The following NR4A3 variants were observed in gnomAD, a reference collection of about 807,000 sequenced individuals.
The protein encoded by NR4A3 is nuclear receptor subfamily 4 group A member 3.
A neutral mutation model predicts 55.6 loss-of-function variants in NR4A3; 13 were observed. That is an observed-to-expected ratio of 0.23 (90% confidence interval 0.15 to 0.37). The LOEUF is 0.37. Ranked by LOEUF, NR4A3 falls within the 10% of genes least tolerant of loss-of-function variation. NR4A3 has a pLI of 1.00. For synonymous variants in NR4A3, 342 were observed against 357.9 expected (o/e 0.96, Z 0.50); for missense variants, 646 against 822.8 (o/e 0.79, Z 2.63).
At chr9:99,826,822 G>A in intron 2 of NR4A3, 2 of 1,603,820 alleles carry the variant, frequency 1.2e-6, no homozygotes, top group Admixed American at 1.7e-5. Context: ...GATGTCAAAG[G>A]AAATGTGAAG....
chr9:99,829,106 A>G, intron 3 of NR4A3, 113 bp downstream of exon 3: 1 of 1,170,118 alleles, frequency 8.5e-7, no homozygotes, highest in Non-Finnish European at 1.1e-6. Context: ...TAATCGGCAC[A>G]TCATGCTTTC....
intron 5 of NR4A3, among the ~76,000 whole-genome samples, chr9:99,837,743 A>G (rs1827585970): frequency 6.6e-6 from 1 of 152,170 alleles, no homozygotes; most frequent in Non-Finnish European, 1.5e-5. Flanking sequence ...TTGAGAGTTG[A>G]TTTGAGCCCT....
chr9:99,863,505 T>G (rs1828043283), intron 7 of NR4A3, 115 bp from the exon 8 acceptor site: 1 of 1,305,492 alleles, frequency 7.7e-7, no homozygotes, highest in African/African-American at 1.5e-5. Flanking sequence ...GGCACTTTGA[T>G]TGCAAAGAAG....
chr9:99,836,871 T>C (rs140875317), intron 5 of NR4A3, among the ~76,000 whole-genome samples: 221 of 152,356 alleles, frequency 1.5e-3, no homozygotes, highest in African/African-American at 4.6e-3. Flanking sequence ...CACCAGCATT[T>C]ATTTTTTGTC....
At chr9:99,834,743 T>C (rs1335632531) in intron 5 of NR4A3, 2 of 972,714 alleles carry the variant, frequency 2.1e-6, no homozygotes, top group East Asian at 1.1e-4. Context: ...TGATCCTCTT[T>C]CCCTCTTCCC....
At chr9:99,829,364 G>A (rs962622815) in intron 3 of NR4A3, among the ~76,000 whole-genome samples, 2 of 152,218 alleles carry the variant, frequency 1.3e-5, no homozygotes, top group Non-Finnish European at 2.9e-5. Flanking sequence ...TGCGTACCAA[G>A]CCCTGGACAT....
intron 7 of NR4A3, among the ~76,000 whole-genome samples, chr9:99,850,734 G>T (rs955020711): frequency 1.3e-5 from 2 of 152,088 alleles, no homozygotes; most frequent in African/African-American, 4.8e-5. Context: ...TGTAAAATGG[G>T]GATAACAATG....
In NR4A3 at chr9:99,864,407, A is replaced by T. The variant is rs1175209791; in HGVS notation, c.*540A>T. On this transcript the variant is annotated 3_prime_UTR_variant, in exon 8 of 8. Transcript: ENST00000395097. ...TTCCTTTATTTTAACAAATGGTGAA[A>T]GATGGAGGATTACCTACAAATCAGA... The T allele has an allele frequency of 8.8e-6, 2 of 228,146 alleles. No individual in the cohort carries two copies. Among genetic ancestry groups the T allele is most frequent in the Non-Finnish European group, 1.7e-5 (2 of 114,728 alleles). The allele number at this position is 228,146 out of a possible 1,614,324, so 14.1% of individuals were successfully genotyped here. A position where few individuals can be genotyped will look rare whatever the true frequency, so the allele number is the denominator to read the frequency against.
chr9:99,828,951 C>A lies in NR4A3; in HGVS notation c.909C>A (p.His303Gln). 7.0e-7 allele frequency: 1 copy of A among 1,420,846 alleles called. No individual in the cohort carries two copies. Among genetic ancestry groups the A allele is most frequent in the Middle Eastern group, 2.1e-4 (1 of 4,704 alleles). The allele number at this position is 1,420,846 out of a possible 1,614,324, so 88.0% of individuals were successfully genotyped here. The change falls in exon 3 of 8, where the codon CAC becomes CAA. Residue 303 changes from histidine to glutamine, a missense_variant. Physicochemically the swap from His to Gln is conservative, Grantham distance 24 (BLOSUM62 0). This residue lies in a region of NR4A3 where 44 missense variants were observed against 119.3 expected (regional missense o/e 0.37). Transcript: ENST00000395097. The surrounding 1 kb of genome is among the most constrained non-coding windows in gnomAD (Gnocchi z 7.7). ...GCGGGGACAACGCCGCCTGCCAGCA[C>A]TACGGCGTGCGAACCTGCGAGGGCT... Reference protein sequence around the residue: ...AVCGDNAACQHYGVRTCEGCK... With the variant: ...AVCGDNAACQQYGVRTCEGCK...
In NR4A3 at chr9:99,844,853, TTAC is replaced by T. The variant is rs772644214; in HGVS notation, c.1454+11_1454+13del. Reference sequence around the variant, plus strand: ...TGTCCTCAGACTTTCCATCAGGTAATTACTACTATTTTATCTTCAGTCTACGTC... The same window carrying T: ...TGTCCTCAGACTTTCCATCAGGTAATTACTATTTTATCTTCAGTCTACGTC... On this transcript the variant is annotated splice_donor_region_variant and intron_variant, in intron 6 of 7. Transcript: ENST00000395097. 5.0e-6 allele frequency: 8 copies of T among 1,606,190 alleles called. No individual in the cohort carries two copies. The highest frequency in any genetic ancestry group is 2.6e-6 in the Non-Finnish European group (3 of 1,172,940).
At chr9:99,834,818 A>G (rs1587877002) in intron 5 of NR4A3, 1 of 985,422 alleles carries the variant, frequency 1.0e-6, no homozygotes, top group South Asian at 4.7e-5. Context: ...TATGAGAAGC[A>G]TGGTAGATCC....
At chr9:99,823,817 C>T (rs1342494524) in intron 1 of NR4A3, among the ~76,000 whole-genome samples, 2 of 151,708 alleles carry the variant, frequency 1.3e-5, no homozygotes, top group East Asian at 1.9e-4. Flanking sequence ...GTCTAGTCTC[C>T]CTCGGTCTTT....
chr9:99,822,888 G>T lies in NR4A3; in HGVS notation c.-177+481G>T, dbSNP rs1251155250. On this transcript the variant is annotated intron_variant, in intron 1 of 7. Transcript: ENST00000395097. The surrounding 1 kb of genome is among the most constrained non-coding windows in gnomAD (Gnocchi z 4.9). ...AGTAAATGTTGCTAATGGTGGCACC[G>T]AGCTGGTTCTCTGGAAGGAAGCTTA... Among the ~76,000 whole-genome samples the T allele has an allele frequency of 6.6e-6, 1 of 152,172 alleles. No individual in the cohort carries two copies. The highest frequency in any genetic ancestry group is 1.9e-4 in the East Asian group (1 of 5,196).
intron 1 of NR4A3, among the ~76,000 whole-genome samples, chr9:99,824,785 T>C (rs559710696): frequency 6.6e-6 from 1 of 152,356 alleles, no homozygotes; most frequent in South Asian, 2.1e-4. Flanking sequence ...TGAGGCCTGC[T>C]GAGCTGCGCT....
chr9:99,848,803 C>T (rs1339709010), intron 7 of NR4A3, among the ~76,000 whole-genome samples: 1 of 152,206 alleles, frequency 6.6e-6, no homozygotes. Flanking sequence ...TATCATCTCC[C>T]TGTGGCCATG....
rs527565208 is a variant in NR4A3 at position 99,848,986 on chromosome 9, G to A, written c.1633+1371G>A. 3.3e-5 allele frequency among the ~76,000 whole-genome samples: 5 copies of A among 152,318 alleles called. No individual in the cohort carries two copies. In the East Asian group the frequency reaches 5.8e-4, roughly 18 times the overall value. ...GTCAGACACAAGCACAGGCTTGGCT[G>A]TTGAACAGAGTTCAAGATCAGAATA... On this transcript the variant is annotated intron_variant, in intron 7 of 7. Coordinates refer to ENST00000395097, the MANE Select transcript of NR4A3 (RefSeq NM_006981.4).
chr9:99,828,192 A>C lies in NR4A3; in HGVS notation c.150A>C (p.Thr50=). ...TTGGCAGCACTGAGATCACGGCTACAGCCACCACGTCCCTGCCCAGCATCA... is the reference window on the plus strand; with the variant it reads ...TTGGCAGCACTGAGATCACGGCTACCGCCACCACGTCCCTGCCCAGCATCA... The part of the protein sequence containing the change: ...MDLGSTEITA[T]ATTSLPSIST... The change falls in exon 3 of 8, where the codon ACA becomes ACC. Residue 50 remains threonine, a synonymous_variant. Transcript: ENST00000395097. This position sits in a 1 kb window ranked among gnomAD's most constrained non-coding sequence, Gnocchi z 7.7. 1 of 1,614,070 alleles carries C rather than the reference A, an allele frequency of 6.2e-7. No individual in the cohort carries two copies. Among genetic ancestry groups the C allele is most frequent in the Non-Finnish European group, 8.5e-7 (1 of 1,180,004 alleles).
chr9:99,826,511 A>G (rs1373274137), intron 2 of NR4A3, among the ~76,000 whole-genome samples: 1 of 152,274 alleles, frequency 6.6e-6, no homozygotes, highest in South Asian at 2.1e-4. Flanking sequence ...ATGACAGAAA[A>G]GAGTAATGGA....
chr9:99,830,738 C>A (rs1195852599), intron 3 of NR4A3, among the ~76,000 whole-genome samples: 3 of 152,056 alleles, frequency 2.0e-5, no homozygotes, highest in African/African-American at 7.2e-5. Context: ...TTGATTTTTA[C>A]AGGATTTCAG....
Sources: allele counts gnomAD v4.1 joint callset (sites outside exome capture counted in the v4.1 genomes callset), GRCh38; gene constraint gnomAD v4.1.1; regional missense constraint gnomAD v4.1.1; non-coding constraint Gnocchi (gnomAD v3.1); transcripts MANE v1.5; gene names NCBI Gene and HGNC (gene_info 2026-07-23, HGNC 2026-07-21).